The following NLRC5 variants were observed in gnomAD, a reference collection of about 807,000 sequenced individuals.
The protein encoded by NLRC5 is NLR family CARD domain containing 5, also known as protein NLRC5.
In NLRC5, 114 loss-of-function variants were observed where a neutral mutation model predicts 206.9. That is an observed-to-expected ratio of 0.55 (90% CI 0.47 to 0.64). The LOEUF (loss-of-function observed/expected upper bound fraction) is 0.64, where lower values mean the gene tolerates loss of function less well. NLRC5 is among the 30% of genes least tolerant of loss of function. The probability of loss-of-function intolerance (pLI) is 0.00; values close to 1 mark genes in which losing one functional copy is unlikely to be tolerated. For missense variants in NLRC5, 2,008 were observed against 2,305.5 expected (o/e 0.87, Z 2.64); for synonymous variants, 952 against 962.8 (o/e 0.99, Z 0.21).
chr16:57,006,469 G>A (rs547649526), intron 1 of NLRC5, among the ~76,000 whole-genome samples: 5 of 138,784 alleles, frequency 3.6e-5, no homozygotes, highest in Admixed American at 1.5e-4. Context: ...CCCAGGCTGG[G>A]GTGCAGTGGC....
Position 57,033,622 on chromosome 16 carries a change from A to T in NLRC5, c.2496A>T (p.Glu832Asp). The change falls in exon 12 of 49, where the codon GAA becomes GAT. Residue 832 changes from glutamate to aspartate, a missense_variant. Glu to Asp is a conservative substitution (Grantham distance 45). Coordinates refer to ENST00000688547, the MANE Select transcript of NLRC5 (RefSeq NM_001384950.1). The part of the protein sequence containing the change: ...AELQRAPDLQ[E>D]SDGQRKGAQS... ...TTGCCAGAGCTCCAGACCTGCAGGA[A>T]AGTGACGGCCAGAGGAAAGGGGCTC... 6.2e-7 allele frequency: 1 copy of T among 1,614,120 alleles called. No homozygotes were observed. Among genetic ancestry groups the T allele is most frequent in the Non-Finnish European group, 8.5e-7 (1 of 1,180,002 alleles).
intron 43 of NLRC5, 140 bp downstream of exon 43, chr16:57,078,160 C>A: frequency 1.6e-6 from 1 of 622,196 alleles, no homozygotes; most frequent in Non-Finnish European, 2.7e-6. Context: ...CTGCCTGTTC[C>A]TTCCCTGCCT....
chr16:57,051,925 G>C lies in NLRC5; in HGVS notation c.3506+304G>C, dbSNP rs2064968896. On this transcript the variant is annotated intron_variant, in intron 24 of 48. Coordinates refer to ENST00000688547, the MANE Select transcript of NLRC5 (RefSeq NM_001384950.1). The stretch of plus-strand genomic sequence containing the variant: ...TTAATATTCCCCGCCCATTCCCCCA[G>C]AGTTGGGACTCAAATAAGTTATTCT... Among the ~76,000 whole-genome samples, 3 of 152,208 alleles carry C rather than the reference G, an allele frequency of 2.0e-5. No individual in the cohort carries two copies. In the South Asian group the frequency reaches 6.2e-4, roughly 32 times the overall value.
At chr16:57,012,432 C>T (rs1337061659) in intron 1 of NLRC5, among the ~76,000 whole-genome samples, 1 of 152,108 alleles carries the variant, frequency 6.6e-6, no homozygotes, top group Non-Finnish European at 1.5e-5. Flanking sequence ...GGCAGGGGTC[C>T]CCAACCCCCA....
At chr16:57,016,195 A>T (rs2060087147) in intron 1 of NLRC5, among the ~76,000 whole-genome samples, 1 of 152,208 alleles carries the variant, frequency 6.6e-6, no homozygotes, top group Non-Finnish European at 1.5e-5. Flanking sequence ...AGCCTGGGCA[A>T]CAGAGCAAGA....
chr16:57,025,443 G>T lies in NLRC5; in HGVS notation c.500G>T (p.Gly167Val). 2 of 1,605,046 alleles carry T rather than the reference G, an allele frequency of 1.2e-6. No homozygotes were observed. Among genetic ancestry groups the T allele is most frequent in the Non-Finnish European group, 1.7e-6 (2 of 1,175,254 alleles). ...TACAGGAGCCAAATCCCTGGGTCAG[G>T]GCAGCCCCACGCCTTCCACCAGGTC... Reference protein sequence around the residue: ...QRYRSQIPGSGQPHAFHQVYV... With the variant: ...QRYRSQIPGSVQPHAFHQVYV... Residue 167 changes from glycine (G) to valine (V), a missense_variant, in exon 6 of 49, where the codon GGG becomes GTG. Transcript: ENST00000688547.
At position 57,020,784 on chromosome 16, in the gene NLRC5, C is replaced by T; in HGVS notation, c.72C>T (p.Asp24=). The T allele has an allele frequency of 1.2e-6, 2 of 1,613,074 alleles. No homozygotes were observed. Among genetic ancestry groups the T allele is most frequent in the Non-Finnish European group, 1.7e-6 (2 of 1,179,824 alleles). Residue 24 remains aspartate, a synonymous_variant, in exon 3 of 49, where the codon GAC becomes GAT. Coordinates refer to ENST00000688547, the MANE Select transcript of NLRC5 (RefSeq NM_001384950.1). ...WSCLVRLLTK[D]PEWLNAKMKF... ...GTCTTGTGAGGCTGCTCACCAAAGA[C>T]CCAGAATGGCTGAACGCCAAGATGA...
chr16:57,057,899 G>T (rs1166788015), intron 27 of NLRC5, among the ~76,000 whole-genome samples, 166 bp from the exon 28 acceptor site: 1 of 151,986 alleles, frequency 6.6e-6, no homozygotes, highest in Non-Finnish European at 1.5e-5. Context: ...ATTGGTGGTG[G>T]TGGTGATGGT....
At position 57,077,815 on chromosome 16, in the gene NLRC5, C is replaced by A; in HGVS notation, c.5003+13C>A. 1.3e-6 allele frequency: 2 copies of A among 1,594,272 alleles called. No individual in the cohort carries two copies. Among genetic ancestry groups the A allele is most frequent in the South Asian group, 1.1e-5 (1 of 88,194 alleles). On this transcript the variant is annotated intron_variant, in intron 42 of 48. Transcript: ENST00000688547. ...TGGAGGAGTTGATGTGAGTGTCTGC[C>A]CAGGTGGCCTCTGCCCTCTGTGCCC...
rs77796033 is a variant in NLRC5 at position 57,075,005 on chromosome 16, C to CTTTTTTTTTT, written c.4751+355_4751+364dup. 4.8e-4 allele frequency among the ~76,000 whole-genome samples: 28 copies of CTTTTTTTTTT among 58,102 alleles called. 10 individuals carry two copies. Among genetic ancestry groups the CTTTTTTTTTT allele is most frequent in the African/African-American group, 6.3e-4 (9 of 14,292 alleles). The allele number at this position is 58,102 out of a possible 152,430, so 38.1% of individuals were successfully genotyped here. A position where few individuals can be genotyped will look rare whatever the true frequency, so the allele number is the denominator to read the frequency against. On this transcript the variant is annotated intron_variant, in intron 39 of 48. Transcript: ENST00000688547. ...GGTCTGGAATTCTGCCTAGACTGTG[C>CTTTTTTTTTT]TTTTTTTTTTTTTTTTTTTTTTTTT...
chr16:57,081,198 G>A lies in NLRC5; in HGVS notation c.5405+17G>A, dbSNP rs1391690004. 35 of 1,537,780 alleles carry A rather than the reference G, an allele frequency of 2.3e-5. No individual in the cohort carries two copies. The Middle Eastern group carries it at 5.2e-4, about 23-fold the overall frequency. On this transcript the variant is annotated intron_variant, in intron 47 of 48. Transcript: ENST00000688547. ...GAGAGTGGAGTATGAGGGGCCGGGGGAGGAATGGGACGGGCTAAAGGGGGA... is the reference window on the plus strand; with the variant it reads ...GAGAGTGGAGTATGAGGGGCCGGGGAAGGAATGGGACGGGCTAAAGGGGGA...
chr16:57,082,578 T>C lies in NLRC5; in HGVS notation c.*50T>C. 7.2e-7 allele frequency: 1 copy of C among 1,387,742 alleles called. No homozygotes were observed. 86.0% of individuals were successfully genotyped at this position (1,387,742 alleles called of 1,614,324 possible). On this transcript the variant is annotated 3_prime_UTR_variant, in exon 49 of 49. Coordinates refer to ENST00000688547, the MANE Select transcript of NLRC5 (RefSeq NM_001384950.1). ...CCAGCCAAGTGATGCACCCAAATGATCCACCTTTCGCCCACTGGGATAATT... is the reference window on the plus strand; with the variant it reads ...CCAGCCAAGTGATGCACCCAAATGACCCACCTTTCGCCCACTGGGATAATT...
intron 17 of NLRC5, 70 bp from the exon 18 acceptor site, chr16:57,041,415 G>T (rs2143661935): frequency 7.8e-7 from 1 of 1,286,650 alleles, no homozygotes; most frequent in Non-Finnish European, 1.1e-6. Context: ...GTGTCTGGGG[G>T]GTGGGAAAGC....
rs371278281 is a variant in NLRC5 at position 57,026,262 on chromosome 16, T to C, written c.1319T>C (p.Met440Thr). ...CTGCCCAACATGACTCAGCTCTATA[T>C]GCAGATGGTGCTCGCCCTCAGCCCC... ...ALLPNMTQLYMQMVLALSPPG... is the reference protein window; with the variant it reads ...ALLPNMTQLYTQMVLALSPPG... Residue 440 changes from methionine to threonine, a missense_variant, in exon 6 of 49, where the codon ATG becomes ACG. By Grantham distance (81) the Met-to-Thr change is moderately conservative. Transcript: ENST00000688547. The C allele has an allele frequency of 1.1e-5, 18 of 1,613,912 alleles. No homozygotes were observed. The highest frequency in any genetic ancestry group is 2.7e-5 in the African/African-American group (2 of 74,956).
In NLRC5 at chr16:57,059,100, G is replaced by A. The variant is rs776869957; in HGVS notation, c.3920+39G>A. Reference sequence around the variant, plus strand: ...GGTCCCCGAAAAGCCCCTTTCTGCTGGCCAACAGGTGCCCCTGGCTGATGA... The same window carrying A: ...GGTCCCCGAAAAGCCCCTTTCTGCTAGCCAACAGGTGCCCCTGGCTGATGA... On this transcript the variant is annotated intron_variant, in intron 29 of 48. Transcript: ENST00000688547. 23 of 1,613,002 alleles carry A rather than the reference G, an allele frequency of 1.4e-5. No homozygotes were observed. In the South Asian group the frequency reaches 2.4e-4, roughly 17 times the overall value.
At chr16:57,080,972 C>T in intron 46 of NLRC5, 126 bp from the exon 47 acceptor site, 2 of 729,524 alleles carry the variant, frequency 2.7e-6, no homozygotes, top group African/African-American at 1.7e-5. Flanking sequence ...AGCACCCTAT[C>T]AGGTGGCCTC....
chr16:57,045,942 T>G (rs1360845612), intron 21 of NLRC5, among the ~76,000 whole-genome samples: 1 of 152,220 alleles, frequency 6.6e-6, no homozygotes, highest in Admixed American at 6.5e-5. Flanking sequence ...CCAATACTAG[T>G]TTAGCTCTTC....
At chr16:57,003,874 C>T (rs538304372) in intron 1 of NLRC5, 22 of 152,106 alleles carry the variant, frequency 1.4e-4, no homozygotes, top group Non-Finnish European at 2.2e-4. Context: ...CGCTGAGGTA[C>T]GAAGAGGCTG....
chr16:57,083,380 C>G lies in NLRC5; in HGVS notation c.*852C>G, dbSNP rs938781026. On this transcript the variant is annotated 3_prime_UTR_variant, in exon 49 of 49. Transcript: ENST00000688547. Reference sequence around the variant, plus strand: ...AGACAATAAGCTAGGCTACTGGGTCCAGCTACTACTTTGGTGGGATTCAGG... The same window carrying G: ...AGACAATAAGCTAGGCTACTGGGTCGAGCTACTACTTTGGTGGGATTCAGG... The G allele has an allele frequency of 7.9e-5, 12 of 152,306 alleles. No homozygotes were observed. Among genetic ancestry groups the G allele is most frequent in the Admixed American group, 2.0e-4 (3 of 15,288 alleles). 9.4% of individuals were successfully genotyped at this position (152,306 alleles called of 1,614,324 possible).
Sources: allele counts gnomAD v4.1 joint callset (sites outside exome capture counted in the v4.1 genomes callset), GRCh38; gene constraint gnomAD v4.1.1; transcripts MANE v1.5; gene names NCBI Gene and HGNC (gene_info 2026-07-23, HGNC 2026-07-21).